AXDND1: variants seen among roughly 807,000 people sequenced by gnomAD.
AXDND1 encodes axonemal dynein light chain domain-containing protein 1.
Under a neutral mutation model 137.5 loss-of-function variants are expected in AXDND1, and 110 were observed. The ratio of observed to expected loss-of-function variants is 0.80; its 90% CI spans 0.69 to 0.94. AXDND1 has a LOEUF of 0.94. Ranked by LOEUF, AXDND1 falls within the 40% of genes least tolerant of loss-of-function variation. The pLI, the probability that AXDND1 is intolerant of heterozygous loss-of-function variation, is 0.00. For synonymous variants in AXDND1, 414 were observed against 399.7 expected, an observed-to-expected ratio of 1.04 and a Z score of -0.43; for missense variants, 1,191 against 1,169.8, an observed-to-expected ratio of 1.02 and a Z score of -0.26.
At chr1:179,375,496 T>C (rs886075156) in intron 4 of AXDND1, among the ~76,000 whole-genome samples, 1 of 141,358 alleles carries the variant, frequency 7.1e-6, no homozygotes, top group Admixed American at 7.1e-5. Flanking sequence ...ATATAATGTA[T>C]AACATATAAT....
At position 179,379,561 on chromosome 1, in the gene AXDND1, A is replaced by G. The variant is rs527777173; in HGVS notation, c.581+79A>G. The G allele has an allele frequency of 4.3e-5, 66 of 1,542,884 alleles. No individual in the cohort carries two copies. The South Asian group carries it at 7.2e-4, about 17-fold the overall frequency. On this transcript the variant is annotated intron_variant, in intron 6 of 25. Coordinates refer to ENST00000367618, the MANE Select transcript of AXDND1 (RefSeq NM_144696.6). The stretch of plus-strand genomic sequence containing the variant: ...GTAATCCCAGCACTTTGCGAGGCCA[A>G]GGCGGGTGGATCATCTGAGGTCAGG...
chr1:179,534,021 C>T lies in AXDND1; in HGVS notation c.2798+144C>T, dbSNP rs1179862865. The T allele has an allele frequency of 9.4e-6, 6 of 637,022 alleles. No homozygotes were observed. In the African/African-American group the frequency reaches 1.1e-4, roughly 12 times the overall value. 39.5% of individuals were successfully genotyped at this position (637,022 alleles called of 1,614,324 possible). On this transcript the variant is annotated intron_variant, in intron 24 of 25. Transcript: ENST00000367618. ...GGGATGTGTATCTCCACATGTTCTG[C>T]TAGAGGCAGTAAACTACACTGCCCT...
chr1:179,551,140 G>GC (rs1673192538), intron 25 of AXDND1: 1 of 1,612,690 alleles, frequency 6.2e-7, no homozygotes. Context: ...TCTATGGCAG[G>GC]CCCCTTTACA....
At chr1:179,476,484 T>A (rs1459306059) in intron 17 of AXDND1, among the ~76,000 whole-genome samples, 1 of 151,810 alleles carries the variant, frequency 6.6e-6, no homozygotes, top group Non-Finnish European at 1.5e-5. Flanking sequence ...CCATCTGTGG[T>A]CATTGCTTTC....
chr1:179,491,520 A>T lies in AXDND1; in HGVS notation c.2092-18A>T, dbSNP rs779669325. ...TTATTTAAAGTGGGTCATTTGTATT[A>T]TACTCATTTTTTAACAGATGGATGA... On this transcript the variant is annotated intron_variant, in intron 18 of 25. Coordinates refer to ENST00000367618, the MANE Select transcript of AXDND1 (RefSeq NM_144696.6). 77 of 1,517,996 alleles carry T rather than the reference A, an allele frequency of 5.1e-5. No individual in the cohort carries two copies. In the South Asian group the frequency reaches 8.2e-4, roughly 16 times the overall value. 94.0% of individuals were successfully genotyped at this position (1,517,996 alleles called of 1,614,324 possible).
At chr1:179,483,059 C>T (rs6668035) in intron 17 of AXDND1, 69 bp from the exon 18 acceptor site, 506,862 of 1,035,446 alleles carry the variant, frequency 0.49, 128,843 homozygotes, top group East Asian at 0.79. Flanking sequence ...AACTCTTTCT[C>T]ATAGCTGATA....
chr1:179,496,498 A>G (rs1572081346), intron 20 of AXDND1, among the ~76,000 whole-genome samples: 1 of 152,040 alleles, frequency 6.6e-6, no homozygotes, highest in African/African-American at 2.4e-5. Context: ...ATTGTCATGC[A>G]ATTGCTCACA....
chr1:179,446,601 G>A (rs527418738), intron 16 of AXDND1, among the ~76,000 whole-genome samples: 117 of 152,254 alleles, frequency 7.7e-4, no homozygotes, highest in Non-Finnish European at 1.3e-3. Flanking sequence ...TTTAAAAAAT[G>A]TCCTTTATTG....
chr1:179,380,598 T>G (rs1440967269), intron 6 of AXDND1, among the ~76,000 whole-genome samples: 1 of 152,178 alleles, frequency 6.6e-6, no homozygotes, highest in Non-Finnish European at 1.5e-5. Flanking sequence ...AAACAACACT[T>G]GAATGTTTTA....
intron 10 of AXDND1, 60 bp downstream of exon 10, chr1:179,394,103 G>C (rs1282977033): frequency 3.3e-5 from 49 of 1,463,924 alleles, no homozygotes; most frequent in Non-Finnish European, 4.4e-5. Flanking sequence ...TCTAAAGGGA[G>C]TAAAAAATAT....
chr1:179,461,825 A>G (rs567017896), intron 16 of AXDND1, among the ~76,000 whole-genome samples: 1 of 152,184 alleles, frequency 6.6e-6, no homozygotes, highest in African/African-American at 2.4e-5. Flanking sequence ...TGTGAGTGGG[A>G]GTTCACTCAT....
intron 20 of AXDND1, among the ~76,000 whole-genome samples, chr1:179,494,599 C>T (rs1296468092): frequency 2.0e-5 from 3 of 151,062 alleles, no homozygotes; most frequent in Non-Finnish European, 2.9e-5. Context: ...GACTTGAACT[C>T]CTGAGCTCAA....
chr1:179,391,625 C>T (rs1378564188), intron 9 of AXDND1, among the ~76,000 whole-genome samples: 1 of 152,136 alleles, frequency 6.6e-6, no homozygotes, highest in African/African-American at 2.4e-5. Context: ...CCACCTCCAG[C>T]TCCTGGGTTC....
chr1:179,385,155 T>C (rs927675051), intron 8 of AXDND1, 83 bp from the exon 9 acceptor site: 13 of 1,163,826 alleles, frequency 1.1e-5, no homozygotes, highest in East Asian at 2.5e-5. Flanking sequence ...CTAAAACTTA[T>C]TTACATTCAA....
At chr1:179,536,395 G>T (rs572982982) in intron 25 of AXDND1, among the ~76,000 whole-genome samples, 1 of 152,158 alleles carries the variant, frequency 6.6e-6, no homozygotes, top group Non-Finnish European at 1.5e-5. Flanking sequence ...TGTATAAGGT[G>T]TAAGGAAGAG....
chr1:179,551,501 G>T (rs368809125), intron 25 of AXDND1: 1 of 1,606,132 alleles, frequency 6.2e-7, no homozygotes, highest in South Asian at 1.1e-5. Context: ...TTCCCTGAAG[G>T]CTTCACCACT....
chr1:179,482,990 C>T, intron 17 of AXDND1, 138 bp from the exon 18 acceptor site: 1 of 509,998 alleles, frequency 2.0e-6, no homozygotes. Context: ...CTTTGATTCC[C>T]CTTTCCTCAG....
chr1:179,467,257 A>G (rs1663327235), intron 16 of AXDND1, among the ~76,000 whole-genome samples: 1 of 152,202 alleles, frequency 6.6e-6, no homozygotes. Context: ...TTAAAACTGC[A>G]CTATGAAAGC....
intron 25 of AXDND1, chr1:179,545,820 G>A (rs1028915709): frequency 2.0e-5 from 3 of 152,146 alleles, no homozygotes; most frequent in Non-Finnish European, 2.9e-5. Context: ...TATATCTGCT[G>A]CCACTACAAT....
Sources: gnomAD v4.1 joint callset for allele counts (sites outside exome capture counted in the v4.1 genomes callset) on GRCh38, gnomAD v4.1.1 for gene constraint, MANE v1.5 for transcripts, NCBI Gene and HGNC (gene_info 2026-07-23, HGNC 2026-07-21) for gene names.